PSD3: variants seen among roughly 807,000 people sequenced by gnomAD.
The protein encoded by PSD3 is PH and SEC7 domain-containing protein 3.
Under a neutral mutation model 105.5 loss-of-function variants are expected in PSD3, and 49 were observed. The ratio of observed to expected loss-of-function variants is 0.46; its 90% CI spans 0.37 to 0.59. The LOEUF (loss-of-function observed/expected upper bound fraction) is 0.59. Ranked by LOEUF, PSD3 falls within the 20% of genes least tolerant of loss-of-function variation. The pLI, the probability that PSD3 is intolerant of heterozygous loss-of-function variation, is 0.00. For synonymous variants in PSD3, 557 were observed against 457.8 expected, an observed-to-expected ratio of 1.22 and a Z score of -2.77; for missense variants, 1,561 against 1,263.8, an observed-to-expected ratio of 1.24 and a Z score of -3.57.
chr8:18,579,096 CCACACACACACA>C (rs3988324), intron 12 of PSD3, among the ~76,000 whole-genome samples: 3 of 143,556 alleles, frequency 2.1e-5, no homozygotes, highest in African/African-American at 5.3e-5. Flanking sequence ...AGCTCCAAGT[CCACACACACACA>C]CACACACACA....
chr8:18,971,421 C>A (rs576047802), intron 1 of PSD3, among the ~76,000 whole-genome samples: 11 of 152,176 alleles, frequency 7.2e-5, no homozygotes, highest in Non-Finnish European at 1.3e-4. Context: ...GAGGACAATA[C>A]CCCATCAACT....
At chr8:18,776,958 C>T (rs754323707) in intron 8 of PSD3, among the ~76,000 whole-genome samples, 10 of 151,998 alleles carry the variant, frequency 6.6e-5, no homozygotes, top group Admixed American at 2.0e-4. Flanking sequence ...TGTATTTCTG[C>T]GGTATCAGTA....
intron 4 of PSD3, among the ~76,000 whole-genome samples, chr8:18,839,778 T>C (rs1196100686): frequency 6.6e-6 from 1 of 152,134 alleles, no homozygotes; most frequent in African/African-American, 2.4e-5. Flanking sequence ...AAGCAACACT[T>C]GGGCTTGGCT....
chr8:18,608,361 G>A (rs1234092286), intron 11 of PSD3, among the ~76,000 whole-genome samples: 5 of 152,130 alleles, frequency 3.3e-5, no homozygotes, highest in Non-Finnish European at 7.4e-5. Context: ...TGGCTTGGGG[G>A]CTGCTTCCTG....
chr8:18,989,423 T>C (rs1586586547), intron 1 of PSD3: 1 of 152,014 alleles, frequency 6.6e-6, no homozygotes, highest in African/African-American at 2.4e-5. Context: ...GTGAATAAAT[T>C]TGGTATTTGG....
chr8:18,845,477 G>A (rs1815008288), intron 4 of PSD3, among the ~76,000 whole-genome samples: 2 of 152,130 alleles, frequency 1.3e-5, no homozygotes, highest in African/African-American at 2.4e-5. Flanking sequence ...CACGGCATTC[G>A]GAAGACAGGT....
intron 9 of PSD3, among the ~76,000 whole-genome samples, chr8:18,681,363 T>C (rs757522658): frequency 1.3e-5 from 2 of 150,270 alleles, no homozygotes; most frequent in African/African-American, 4.9e-5. Flanking sequence ...TCCCAATACT[T>C]TGGGAGGCAG....
rs114461164 is a variant in PSD3, at chr8:19,003,933, C to A, written c.21+9630G>T. Among the ~76,000 whole-genome samples the A allele has an allele frequency of 8.7e-3, 1,326 of 152,038 alleles. 20 individuals carry two copies. Among genetic ancestry groups the A allele is most frequent in the African/African-American group, 0.03 (1,250 of 41,520 alleles). Reference sequence around the variant, plus strand: ...CAACCACTAAGGTCATCATTATTACCAGGTGAGATCAGTTTCCCAAACATT... The same window carrying A: ...CAACCACTAAGGTCATCATTATTACAAGGTGAGATCAGTTTCCCAAACATT... On this transcript the variant is annotated intron_variant, in intron 1 of 15. Coordinates refer to ENST00000327040, the MANE Select transcript of PSD3 (RefSeq NM_015310.4).
intron 4 of PSD3, among the ~76,000 whole-genome samples, chr8:18,859,729 C>T (rs1816292077): frequency 6.6e-6 from 1 of 152,202 alleles, no homozygotes; most frequent in African/African-American, 2.4e-5. Context: ...TAGCTTCCAG[C>T]TTTTTGGCTG....
intron 11 of PSD3, among the ~76,000 whole-genome samples, chr8:18,604,203 T>C (rs1349751336): frequency 6.6e-6 from 1 of 152,144 alleles, no homozygotes; most frequent in African/African-American, 2.4e-5. Flanking sequence ...CTGGCAGTGA[T>C]ATGGACAGCA....
Position 18,827,927 on chromosome 8 carries a change from T to TA in PSD3, c.1635-23030dup, listed in dbSNP as rs764189833. On this transcript the variant is annotated intron_variant, in intron 4 of 15. Transcript: ENST00000327040. ...CCAGACTTTTAGGAAGGCAGCAGAT[T>TA]AAAAAAAAAAAAAAGAAGCAAAAGC... Among the ~76,000 whole-genome samples the TA allele has an allele frequency of 6.5e-3, 827 of 127,912 alleles. 29 individuals are homozygous for TA. Among genetic ancestry groups the TA allele is most frequent in the Admixed American group, 0.049 (625 of 12,704 alleles). The allele number at this position is 127,912 out of a possible 152,430, so 83.9% of individuals were successfully genotyped here.
At position 18,632,821 on chromosome 8, in the gene PSD3, G is replaced by C. The variant is rs763106119; in HGVS notation, c.2217-15C>G. The C allele has an allele frequency of 3.4e-5, 51 of 1,521,640 alleles. 1 individual carries two copies. Among genetic ancestry groups the C allele is most frequent in the Non-Finnish European group, 2.4e-5 (27 of 1,109,552 alleles). The allele number at this position is 1,521,640 out of a possible 1,614,324, so 94.3% of individuals were successfully genotyped here. On this transcript the variant is annotated splice_polypyrimidine_tract_variant and intron_variant, in intron 10 of 15. Coordinates refer to ENST00000327040, the MANE Select transcript of PSD3 (RefSeq NM_015310.4). ...CTTCATCATCTCTAAAAGGGAGAAA[G>C]CACAAAGACTGAGTCAAGCACCTAT...
At chr8:18,855,850 T>C (rs1050889884) in intron 4 of PSD3, among the ~76,000 whole-genome samples, 1 of 152,204 alleles carries the variant, frequency 6.6e-6, no homozygotes, top group African/African-American at 2.4e-5. Flanking sequence ...TGAAATACTT[T>C]TATTTCCTAA....
intron 9 of PSD3, among the ~76,000 whole-genome samples, chr8:18,704,307 A>G (rs1466059323): frequency 6.6e-6 from 1 of 152,188 alleles, no homozygotes; most frequent in Non-Finnish European, 1.5e-5. Flanking sequence ...GAACTTACAC[A>G]ATGGGGACCT....
intron 4 of PSD3, among the ~76,000 whole-genome samples, chr8:18,860,513 G>A (rs1277933719): frequency 6.6e-6 from 1 of 151,752 alleles, no homozygotes; most frequent in African/African-American, 2.4e-5. Context: ...GCAATAAAAT[G>A]AGGTTTGCCT....
intron 1 of PSD3, among the ~76,000 whole-genome samples, chr8:19,070,350 T>G (rs986292692): frequency 4.3e-5 from 6 of 140,944 alleles, no homozygotes; most frequent in African/African-American, 1.6e-4. Context: ...TTTACACTAT[T>G]GTATTAGTAT....
chr8:18,573,784 G>A (rs1481984822), intron 13 of PSD3, among the ~76,000 whole-genome samples: 1 of 152,168 alleles, frequency 6.6e-6, no homozygotes, highest in Non-Finnish European at 1.5e-5. Context: ...GCCTGGGGCT[G>A]GAGGTGAGAA....
At chr8:18,897,981 A>G (rs1326565923) in intron 2 of PSD3, among the ~76,000 whole-genome samples, 3 of 152,084 alleles carry the variant, frequency 2.0e-5, no homozygotes, top group Non-Finnish European at 4.4e-5. Flanking sequence ...AAAAATGGAG[A>G]AAGTGGTCAT....
intron 9 of PSD3, among the ~76,000 whole-genome samples, chr8:18,756,687 A>G (rs1563229852): frequency 6.6e-6 from 1 of 150,468 alleles, no homozygotes; most frequent in African/African-American, 2.5e-5. Context: ...ATGACAGAAA[A>G]AGAGAACAAC....
Sources: allele counts gnomAD v4.1 joint callset (sites outside exome capture counted in the v4.1 genomes callset), GRCh38; gene constraint gnomAD v4.1.1; transcripts MANE v1.5; gene names NCBI Gene and HGNC (gene_info 2026-07-23, HGNC 2026-07-21).